DENND4A: variants seen among roughly 807,000 people sequenced by gnomAD.
DENND4A encodes the protein DENN domain containing 4A.
In DENND4A, 70 loss-of-function variants were observed where a neutral mutation model predicts 199.3. The observed-to-expected ratio is 0.35, with a 90% confidence interval of 0.29 to 0.43. The LOEUF is 0.43. Ranked by LOEUF, DENND4A falls within the 20% of genes least tolerant of loss-of-function variation. The pLI is 1.00. For missense variants in DENND4A, 1,723 were observed against 2,255.8 expected, an observed-to-expected ratio of 0.76 and a Z score of 4.78; for synonymous variants, 686 against 766.9, an observed-to-expected ratio of 0.89 and a Z score of 1.74.
intron 3 of DENND4A, among the ~76,000 whole-genome samples, chr15:65,752,858 A>T (rs1439618473): frequency 6.6e-6 from 1 of 152,128 alleles, no homozygotes; most frequent in Non-Finnish European, 1.5e-5. Context: ...GTTAATATAA[A>T]CCAGAGAAAG....
chr15:65,732,734 AAAAC>A lies in DENND4A; in HGVS notation c.1107+14_1107+17del, dbSNP rs757267223. On this transcript the variant is annotated intron_variant, in intron 8 of 32. Transcript: ENST00000443035. ...TAACAACTCATAGGTCCCCCAATCA[AAAAC>A]AAAAAAACCTTACCTGAACTAAAAT... 246 of 1,539,050 alleles carry A rather than the reference AAAAC, an allele frequency of 1.6e-4. 1 individual carries two copies. The East Asian group carries it at 5.3e-3, about 33-fold the overall frequency.
intron 24 of DENND4A, among the ~76,000 whole-genome samples, chr15:65,672,427 C>A (rs1207191913): frequency 6.6e-6 from 1 of 151,888 alleles, no homozygotes; most frequent in East Asian, 1.9e-4. Flanking sequence ...GAATTCGAGA[C>A]CAGCCTTGGC....
At chr15:65,687,942 G>A (rs567979209) in intron 23 of DENND4A, among the ~76,000 whole-genome samples, 25 of 151,954 alleles carry the variant, frequency 1.6e-4, no homozygotes, top group Non-Finnish European at 1.8e-4. Flanking sequence ...TACCAATTTT[G>A]GAGGTTTCAG....
chr15:65,692,870 T>C (rs993621505), intron 22 of DENND4A, among the ~76,000 whole-genome samples: 2 of 152,186 alleles, frequency 1.3e-5, no homozygotes, highest in African/African-American at 4.8e-5. Flanking sequence ...TGCTATGACC[T>C]GAAGACCAAG....
intron 19 of DENND4A, 92 bp downstream of exon 19, chr15:65,700,959 C>T: frequency 7.3e-7 from 1 of 1,370,068 alleles, no homozygotes; most frequent in Admixed American, 2.5e-5. Context: ...CTAAAACATT[C>T]AATATTTTAA....
At position 65,691,197 on chromosome 15, in the gene DENND4A, A is replaced by T; in HGVS notation, c.3397T>A (p.Ser1133Thr). 6.2e-7 allele frequency: 1 copy of T among 1,613,412 alleles called. No homozygotes were observed. Among genetic ancestry groups the T allele is most frequent in the Non-Finnish European group, 8.5e-7 (1 of 1,179,684 alleles). The change falls in exon 23 of 33, where the codon TCA becomes ACA. Residue 1133 changes from serine to threonine, a missense_variant. Transcript: ENST00000443035. Reference protein sequence around the residue: ...TLDIGKPPLRSKRDSLEKESS... With the variant: ...TLDIGKPPLRTKRDSLEKESS... ...TCCTTTTCTAGACTGTCTCTTTTTG[A>T]TCTTAAAGGTGGCTTCCCAATATCA... is the stretch of plus-strand genomic sequence containing the variant.
chr15:65,773,867 G>GT (rs1396097280), intron 1 of DENND4A, among the ~76,000 whole-genome samples: 1 of 152,046 alleles, frequency 6.6e-6, no homozygotes, highest in African/African-American at 2.4e-5. Context: ...TTTTTTGTTT[G>GT]TTTGTTTTTG....
intron 14 of DENND4A, among the ~76,000 whole-genome samples, chr15:65,712,250 A>C (rs1350551028): frequency 6.6e-6 from 1 of 152,214 alleles, no homozygotes; most frequent in Non-Finnish European, 1.5e-5. Context: ...GATGTCTACA[A>C]GGCTCTGAAT....
chr15:65,705,004 G>A (rs1596479011), intron 15 of DENND4A, among the ~76,000 whole-genome samples: 1 of 152,054 alleles, frequency 6.6e-6, no homozygotes, highest in African/African-American at 2.4e-5. Flanking sequence ...AGACAAATAA[G>A]CATAAAGTAC....
intron 1 of DENND4A, among the ~76,000 whole-genome samples, chr15:65,765,005 T>C (rs2076945969): frequency 6.6e-6 from 1 of 152,086 alleles, no homozygotes; most frequent in Non-Finnish European, 1.5e-5. Flanking sequence ...ACATTTTCTT[T>C]GATGTTGAAT....
At chr15:65,670,638 T>G (rs1368521969) in intron 25 of DENND4A, among the ~76,000 whole-genome samples, 2 of 152,204 alleles carry the variant, frequency 1.3e-5, no homozygotes, top group Non-Finnish European at 2.9e-5. Flanking sequence ...GATATTGCAG[T>G]AACATCTAAG....
chr15:65,717,657 A>T, intron 13 of DENND4A, 121 bp downstream of exon 13: 2 of 904,384 alleles, frequency 2.2e-6, no homozygotes, highest in Non-Finnish European at 1.6e-6. Flanking sequence ...GCTAGTATTC[A>T]GATTCTCCTC....
rs768301358 is a variant in DENND4A, at chr15:65,676,482, G to A, written c.4332C>T (p.Leu1444=). ...SATSGTKRID[L]SRISLESSAS... ...CAGAACTTTCCAGGCTTATTCGGCT[G>A]AGATCAATTCTCTTAGTCCCTGAAG... is the stretch of plus-strand genomic sequence containing the variant. Residue 1444 remains leucine, a synonymous_variant, in exon 24 of 33, where the codon CTC becomes CTT. Coordinates refer to ENST00000443035, the MANE Select transcript of DENND4A (RefSeq NM_001320835.1). The A allele has an allele frequency of 1.2e-6, 2 of 1,611,006 alleles. No homozygotes were observed. Among genetic ancestry groups the A allele is most frequent in the Admixed American group, 3.3e-5 (2 of 59,798 alleles).
chr15:65,718,760 C>CTTTTTTTTTTTCT (rs2075500302), intron 12 of DENND4A, among the ~76,000 whole-genome samples: 1 of 67,738 alleles, frequency 1.5e-5, no homozygotes. Flanking sequence ...GTTTTTTTTC[C>CTTTTTTTTTTTCT]TTTTTTTTTT....
At chr15:65,679,137 C>T (rs988780492) in intron 23 of DENND4A, among the ~76,000 whole-genome samples, 2 of 152,110 alleles carry the variant, frequency 1.3e-5, no homozygotes, top group Non-Finnish European at 1.5e-5. Flanking sequence ...CTCTGTCACC[C>T]GGGCTGGAGT....
At chr15:65,675,015 A>G (rs1330003674) in intron 24 of DENND4A, among the ~76,000 whole-genome samples, 2 of 152,158 alleles carry the variant, frequency 1.3e-5, no homozygotes, top group South Asian at 2.1e-4. Context: ...ATGTTTGAAA[A>G]TTTCCATAAT....
At chr15:65,741,883 G>A in intron 4 of DENND4A, 99 bp from the exon 5 acceptor site, 1 of 814,466 alleles carries the variant, frequency 1.2e-6, no homozygotes, top group Non-Finnish European at 1.8e-6. Flanking sequence ...TATCTAATAT[G>A]TAGTAACAAA....
chr15:65,752,443 G>C lies in DENND4A; in HGVS notation c.497C>G (p.Pro166Arg). ...GTGTGGTGGGCTTTCTCCTTTACTG[G>C]GTATAATAATACATATGTCAGTGAC... is the stretch of plus-strand genomic sequence containing the variant. Reference protein sequence around the residue: ...LAVTDICIIIPSKGESPPHTF... With the variant: ...LAVTDICIIIRSKGESPPHTF... Residue 166 changes from proline to arginine, a missense_variant, in exon 4 of 33, where the codon CCC becomes CGC. Coordinates refer to ENST00000443035, the MANE Select transcript of DENND4A (RefSeq NM_001320835.1). 6.2e-7 allele frequency: 1 copy of C among 1,613,450 alleles called. No homozygotes were observed. Among genetic ancestry groups the C allele is most frequent in the Non-Finnish European group, 8.5e-7 (1 of 1,179,716 alleles).
intron 29 of DENND4A, among the ~76,000 whole-genome samples, chr15:65,666,186 T>C (rs1017528063): frequency 2.6e-5 from 4 of 152,184 alleles, no homozygotes; most frequent in African/African-American, 9.7e-5. Flanking sequence ...TTCCTATACA[T>C]ACATACTTGT....
Sources: gnomAD v4.1 joint callset for allele counts (sites outside exome capture counted in the v4.1 genomes callset) on GRCh38, gnomAD v4.1.1 for gene constraint, MANE v1.5 for transcripts, NCBI Gene and HGNC (gene_info 2026-07-23, HGNC 2026-07-21) for gene names.